CELF2: variants seen among roughly 807,000 people sequenced by gnomAD.
The protein encoded by CELF2 is CUGBP Elav-like family member 2.
In CELF2, 8 loss-of-function variants were observed where a neutral mutation model predicts 62.6. The observed-to-expected ratio is 0.13, with a 90% CI of 0.07 to 0.23. The LOEUF is 0.23. CELF2 is among the 10% of genes least tolerant of loss of function. The pLI, the probability that CELF2 is intolerant of heterozygous loss-of-function variation, is 1.00. For synonymous variants in CELF2, 258 were observed against 250.0 expected (o/e 1.03, Z -0.30); for missense variants, 333 against 671.0 (o/e 0.50, Z 5.56).
the CELF2 span, among the ~76,000 whole-genome samples, chr10:10,591,813 G>A: frequency 6.6e-6 from 1 of 152,188 alleles, no homozygotes; most frequent in South Asian, 2.1e-4. Context: ...CTCATTCCAT[G>A]TGTATTTAGA....
chr10:10,677,950 A>T, the CELF2 span, among the ~76,000 whole-genome samples: 1 of 152,176 alleles, frequency 6.6e-6, no homozygotes, highest in Non-Finnish European at 1.5e-5. Flanking sequence ...TGTGACAGTC[A>T]ATCTGGGTGA....
At chr10:11,308,499 A>T (rs2094389629) in intron 9 of CELF2, among the ~76,000 whole-genome samples, 1 of 152,028 alleles carries the variant, frequency 6.6e-6, no homozygotes, top group African/African-American at 2.4e-5. Context: ...CTTCAAGTTC[A>T]CTCATTCTTC....
At chr10:11,286,995 C>T (rs1186859284) in intron 8 of CELF2, among the ~76,000 whole-genome samples, 1 of 152,110 alleles carries the variant, frequency 6.6e-6, no homozygotes, top group East Asian at 1.9e-4. Flanking sequence ...TTGAGGAGGC[C>T]AGGGCAGAAG....
the CELF2 span, among the ~76,000 whole-genome samples, chr10:10,693,894 T>C: frequency 6.6e-6 from 1 of 152,040 alleles, no homozygotes; most frequent in Non-Finnish European, 1.5e-5. Context: ...TATTTCATTC[T>C]TCTCTCTTTT....
At chr10:10,919,749 G>C (rs186581876) in intron 1 of CELF2, among the ~76,000 whole-genome samples, 1 of 152,242 alleles carries the variant, frequency 6.6e-6, no homozygotes, top group East Asian at 1.9e-4. Flanking sequence ...CAGATATTTT[G>C]CATGTGTATA....
the CELF2 span, among the ~76,000 whole-genome samples, chr10:10,717,324 A>C: frequency 6.6e-6 from 1 of 152,102 alleles, no homozygotes; most frequent in Non-Finnish European, 1.5e-5. Flanking sequence ...ATGTACCTTT[A>C]ATTTACTAGT....
At chr10:10,483,113 TG>T in the CELF2 span, among the ~76,000 whole-genome samples, 2 of 152,006 alleles carry the variant, frequency 1.3e-5, no homozygotes, top group African/African-American at 4.8e-5. Flanking sequence ...CAACGGCTTT[TG>T]CTTCTCCGTG....
At chr10:10,720,826 C>T in the CELF2 span, among the ~76,000 whole-genome samples, 3 of 152,140 alleles carry the variant, frequency 2.0e-5, no homozygotes, top group African/African-American at 2.4e-5. Flanking sequence ...TTGCCTGAGG[C>T]CGTTTTTGCC....
At chr10:10,881,691 G>T (rs757522853) in intron 1 of CELF2, among the ~76,000 whole-genome samples, 6 of 152,134 alleles carry the variant, frequency 3.9e-5, no homozygotes, top group Non-Finnish European at 7.4e-5. Context: ...TATGTGTACA[G>T]GTGTGTCTTA....
chr10:10,560,767 A>C, the CELF2 span, among the ~76,000 whole-genome samples: 1 of 152,224 alleles, frequency 6.6e-6, no homozygotes, highest in African/African-American at 2.4e-5. Context: ...TTGTGGAACC[A>C]ACCCAAATGC....
chr10:11,017,728 A>C (rs2137788969), upstream of CELF2, among the ~76,000 whole-genome samples: 1 of 151,740 alleles, frequency 6.6e-6, no homozygotes, highest in Non-Finnish European at 1.5e-5. This position sits in a 1 kb window ranked among gnomAD's most constrained non-coding sequence, Gnocchi z 5.5. Flanking sequence ...GGCCCAGGGG[A>C]CCCTGAGAAG....
intron 9 of CELF2, among the ~76,000 whole-genome samples, chr10:11,310,922 A>G (rs2094529986): frequency 1.3e-5 from 2 of 152,218 alleles, no homozygotes; most frequent in South Asian, 4.1e-4. Flanking sequence ...TAAGTGAAAG[A>G]GGAAACTCAG....
intron 1 of CELF2, among the ~76,000 whole-genome samples, chr10:11,094,419 A>G (rs1359748007): frequency 6.6e-6 from 1 of 152,148 alleles, no homozygotes; most frequent in African/African-American, 2.4e-5. Flanking sequence ...TTTTGAAACT[A>G]CCTTGTCTGT....
At chr10:10,680,645 G>A in the CELF2 span, among the ~76,000 whole-genome samples, 5 of 152,162 alleles carry the variant, frequency 3.3e-5, no homozygotes, top group African/African-American at 1.2e-4. Flanking sequence ...AAATCACTTG[G>A]ATAGCGCGTG....
At chr10:10,918,731 G>A (rs2064578894) in intron 1 of CELF2, among the ~76,000 whole-genome samples, 1 of 152,178 alleles carries the variant, frequency 6.6e-6, no homozygotes, top group Admixed American at 6.5e-5. Context: ...CTGCAAGTGT[G>A]TACCACAGTC....
At chr10:10,699,603 G>A in the CELF2 span, among the ~76,000 whole-genome samples, 3 of 152,176 alleles carry the variant, frequency 2.0e-5, no homozygotes, top group Admixed American at 6.5e-5. Flanking sequence ...TGGGGGAATG[G>A]GGAGGAGGTG....
In CELF2 at chr10:10,803,506, C is replaced by G. The variant is rs183346346; in HGVS notation, c.53+4689C>G. The stretch of plus-strand genomic sequence containing the variant: ...TATTGGCAGGGTAGAGGCTGCTCCT[C>G]ATTCAAGCCTTAGCTCCCATGTCAT... On this transcript the variant is annotated intron_variant, in intron 1 of 13. Transcript: ENST00000636488. Among the ~76,000 whole-genome samples, 300 of 152,342 alleles carry G rather than the reference C, an allele frequency of 2.0e-3. 3 individuals are homozygous for G. Among genetic ancestry groups the G allele is most frequent in the Non-Finnish European group, 3.1e-3 (212 of 68,036 alleles).
chr10:11,170,081 G>T (rs998095387), intron 2 of CELF2, among the ~76,000 whole-genome samples: 3 of 151,308 alleles, frequency 2.0e-5, no homozygotes, highest in Middle Eastern at 3.2e-3. Context: ...GAGTGTAGAT[G>T]TGCCTTTCTA....
the CELF2 span, among the ~76,000 whole-genome samples, chr10:10,494,742 T>C: frequency 3.9e-5 from 6 of 152,308 alleles, no homozygotes; most frequent in Admixed American, 1.3e-4. Context: ...CTCATCTAAA[T>C]GCCATATTCA....
Sources: allele counts gnomAD v4.1 joint callset (sites outside exome capture counted in the v4.1 genomes callset), GRCh38; gene constraint gnomAD v4.1.1; non-coding constraint Gnocchi (gnomAD v3.1); transcripts MANE v1.5; gene names NCBI Gene and HGNC (gene_info 2026-07-23, HGNC 2026-07-21).